RBFOX3: variants seen among roughly 807,000 people sequenced by gnomAD.
The protein encoded by RBFOX3 is RNA binding fox-1 homolog 3.
A neutral mutation model predicts 48.7 loss-of-function variants in RBFOX3; 17 were observed. That is an observed-to-expected ratio of 0.35 (90% confidence interval 0.24 to 0.52). The LOEUF (loss-of-function observed/expected upper bound fraction) is 0.52. Ranked by LOEUF, RBFOX3 falls within the 20% of genes least tolerant of loss-of-function variation. The pLI is 0.94. For missense variants in RBFOX3, 382 were observed against 497.5 expected, an observed-to-expected ratio of 0.77 and a Z score of 2.21; for synonymous variants, 212 against 209.5, an observed-to-expected ratio of 1.01 and a Z score of -0.10.
intron 2 of RBFOX3, among the ~76,000 whole-genome samples, chr17:79,327,497 G>A (rs1568048187): frequency 6.6e-6 from 1 of 152,268 alleles, no homozygotes; most frequent in Non-Finnish European, 1.5e-5. Context: ...GAATGCTCCA[G>A]AGCCAGGTCC....
Position 79,212,235 on chromosome 17 carries a change from C to T in RBFOX3, c.-34+23531G>A, listed in dbSNP as rs2058473403. Among the ~76,000 whole-genome samples the T allele has an allele frequency of 6.6e-6, 1 of 152,204 alleles. No individual in the cohort carries two copies. Among genetic ancestry groups the T allele is most frequent in the African/African-American group, 2.4e-5 (1 of 41,452 alleles). ...TTCAAACTCTAGACACCCTTGGCCA[C>T]CCGCTGCCCTGGGTTCTTCCAGGCT... On this transcript the variant is annotated intron_variant, in intron 4 of 14. Coordinates refer to ENST00000693108, the MANE Select transcript of RBFOX3 (RefSeq NM_001350451.2). The surrounding 1 kb of genome is among the most constrained non-coding windows in gnomAD (Gnocchi z 4.7).
chr17:79,138,985 C>A (rs1325153316), intron 4 of RBFOX3, among the ~76,000 whole-genome samples: 2 of 147,932 alleles, frequency 1.4e-5, no homozygotes, highest in Admixed American at 6.7e-5. Flanking sequence ...GCGTTCACAC[C>A]CCCTCACACA....
chr17:79,232,698 C>T (rs531049884), intron 4 of RBFOX3, among the ~76,000 whole-genome samples: 18 of 128,318 alleles, frequency 1.4e-4, no homozygotes, highest in South Asian at 8.0e-4. Context: ...AAAGCATAGG[C>T]GAAAAAAAAT....
rs559109897 is a variant in RBFOX3, at chr17:79,401,852, C to T, written c.-175+80602G>A. On this transcript the variant is annotated intron_variant, in intron 2 of 14. Transcript: ENST00000693108. ...CACCAGCCCCAGCCTCCCGAGGGAG[C>T]GCGGCCCTGCCTTGATCCTGGACTC... Among the ~76,000 whole-genome samples the T allele has an allele frequency of 3.9e-5, 6 of 152,308 alleles. No individual in the cohort carries two copies. In the South Asian group the frequency reaches 8.3e-4, roughly 21 times the overall value.
chr17:79,197,384 CTTTCTTTT>C, intron 4 of RBFOX3, among the ~76,000 whole-genome samples: 1 of 115,416 alleles, frequency 8.7e-6, no homozygotes, highest in East Asian at 2.8e-4. Flanking sequence ...TTCTTTCTTT[CTTTCTTTT>C]TTTTTTTTTT....
chr17:79,124,212 C>G (rs555563503), intron 4 of RBFOX3, among the ~76,000 whole-genome samples: 1 of 152,222 alleles, frequency 6.6e-6, no homozygotes, highest in Non-Finnish European at 1.5e-5. Context: ...GGCTGCACAT[C>G]ACACATAAGG....
chr17:79,438,137 C>T (rs1184278948), intron 2 of RBFOX3, among the ~76,000 whole-genome samples: 5 of 152,054 alleles, frequency 3.3e-5, no homozygotes, highest in Non-Finnish European at 7.4e-5. Context: ...ACCACCAGGG[C>T]TCTAAATGCA....
chr17:79,133,803 G>T (rs545682048), intron 4 of RBFOX3, among the ~76,000 whole-genome samples: 1 of 152,308 alleles, frequency 6.6e-6, no homozygotes, highest in East Asian at 1.9e-4. Context: ...CCCTCCCAGG[G>T]CCTTGTGAGG....
At chr17:79,372,315 CT>C (rs1240793985) in intron 2 of RBFOX3, among the ~76,000 whole-genome samples, 2 of 84,120 alleles carry the variant, frequency 2.4e-5, no homozygotes, top group African/African-American at 8.9e-5. Flanking sequence ...AGACCCCCCC[CT>C]GTCAAATCCC....
rs1236771249 is a variant in RBFOX3 at position 79,579,397 on chromosome 17, G to A, written c.-320+31429C>T. On this transcript the variant is annotated intron_variant, in intron 1 of 14. Coordinates refer to ENST00000693108, the MANE Select transcript of RBFOX3 (RefSeq NM_001350451.2). The stretch of plus-strand genomic sequence containing the variant: ...TCCCCAAAACCAAGAACTGCACCCC[G>A]CTTTTGGCCTTGATATTCACAGGTC... Among the ~76,000 whole-genome samples the A allele has an allele frequency of 3.9e-5, 6 of 152,324 alleles. No homozygotes were observed. The East Asian group carries it at 9.7e-4, about 25-fold the overall frequency.
intron 2 of RBFOX3, among the ~76,000 whole-genome samples, chr17:79,450,307 A>C (rs1451350847): frequency 6.6e-6 from 1 of 152,220 alleles, no homozygotes; most frequent in Admixed American, 6.5e-5. Context: ...GCTGTGAATG[A>C]AGGCCTGGAC....
chr17:79,336,974 G>C (rs540168961), intron 2 of RBFOX3, among the ~76,000 whole-genome samples: 1 of 152,274 alleles, frequency 6.6e-6, no homozygotes, highest in Admixed American at 6.5e-5. Flanking sequence ...ACAAAAATTA[G>C]CTGGGCATGG....
chr17:79,351,428 T>A (rs1455228466), intron 2 of RBFOX3, among the ~76,000 whole-genome samples: 1 of 152,234 alleles, frequency 6.6e-6, no homozygotes, highest in Non-Finnish European at 1.5e-5. Context: ...TTGCTTTTTT[T>A]AAGATGGAGT....
In RBFOX3 at chr17:79,477,534, C is replaced by A. The variant is rs369481241; in HGVS notation, c.-175+4920G>T. On this transcript the variant is annotated intron_variant, in intron 2 of 14. Transcript: ENST00000693108. This position sits in a 1 kb window ranked among gnomAD's most constrained non-coding sequence, Gnocchi z 4.8. ...TCGCCCCATCGCACTCCAGCCTGGG[C>A]GACAGAGCGAAACTCCGTCACCGGA... Among the ~76,000 whole-genome samples the A allele has an allele frequency of 3.2e-4, 48 of 150,114 alleles. No individual in the cohort carries two copies. The highest frequency in any genetic ancestry group is 8.6e-4 in the African/African-American group (35 of 40,778).
In RBFOX3 at chr17:79,250,899, G is replaced by T. The variant is rs571573738; in HGVS notation, c.-73-15094C>A. 1.1e-4 allele frequency among the ~76,000 whole-genome samples: 16 copies of T among 150,316 alleles called. No homozygotes were observed. In the South Asian group the frequency reaches 3.4e-3, roughly 32 times the overall value. ...GGCTCACTGCAACCTCCACCTCCCGGGTTCTCCCAAGCAATTCTCCTACCT... is the reference window on the plus strand; with the variant it reads ...GGCTCACTGCAACCTCCACCTCCCGTGTTCTCCCAAGCAATTCTCCTACCT... On this transcript the variant is annotated intron_variant, in intron 3 of 14. Transcript: ENST00000693108.
At chr17:79,224,910 G>A (rs958400340) in intron 4 of RBFOX3, among the ~76,000 whole-genome samples, 2 of 152,214 alleles carry the variant, frequency 1.3e-5, no homozygotes, top group Non-Finnish European at 2.9e-5. Flanking sequence ...AGCTAACCAG[G>A]AAAACTATTA....
At chr17:79,397,159 C>T (rs1321425938) in intron 2 of RBFOX3, among the ~76,000 whole-genome samples, 2 of 152,190 alleles carry the variant, frequency 1.3e-5, no homozygotes, top group Non-Finnish European at 2.9e-5. Context: ...CATAGCATCA[C>T]TATTTACATT....
chr17:79,355,219 A>G (rs2084742343), intron 2 of RBFOX3, among the ~76,000 whole-genome samples: 1 of 151,814 alleles, frequency 6.6e-6, no homozygotes, highest in African/African-American at 2.4e-5. Context: ...TCTCCCTAAG[A>G]AGAAAGTTCT....
intron 4 of RBFOX3, among the ~76,000 whole-genome samples, chr17:79,216,929 C>T (rs1053696240): frequency 6.6e-6 from 1 of 152,148 alleles, no homozygotes; most frequent in African/African-American, 2.4e-5. Flanking sequence ...GCCTTTTTAC[C>T]CCCGGCCCCT....
Sources: gnomAD v4.1 joint callset for allele counts (sites outside exome capture counted in the v4.1 genomes callset) on GRCh38, gnomAD v4.1.1 for gene constraint, Gnocchi (gnomAD v3.1) non-coding constraint, MANE v1.5 for transcripts, NCBI Gene and HGNC (gene_info 2026-07-23, HGNC 2026-07-21) for gene names.